ADARB2: variants seen among roughly 807,000 people sequenced by gnomAD.
The protein encoded by ADARB2 is inactive double-stranded RNA-specific editase B2.
ADARB2 carries 25 observed loss-of-function variants against 62.2 expected under a neutral mutation model. That is an observed-to-expected ratio of 0.40 (90% CI 0.29 to 0.56). The LOEUF (loss-of-function observed/expected upper bound fraction) is 0.56, where lower values mean the gene tolerates loss of function less well. ADARB2 is among the 20% of genes least tolerant of loss of function. ADARB2 has a pLI of 0.43. For missense variants in ADARB2, 1,071 were observed against 1,077.4 expected (o/e 0.99, Z 0.08); for synonymous variants, 572 against 500.8 (o/e 1.14, Z -1.90).
Position 1,515,409 on chromosome 10 carries a change from G to A in ADARB2, c.101-136249C>T, listed in dbSNP as rs147856176. ...GGAAACCCTCTGCCTGGCTGCCGCC[G>A]TGACCCAGTAGATCTGAGATCACAA... On this transcript the variant is annotated intron_variant, in intron 1 of 9. Coordinates refer to ENST00000381312, the MANE Select transcript of ADARB2 (RefSeq NM_018702.4). 1.0e-3 allele frequency among the ~76,000 whole-genome samples: 159 copies of A among 152,350 alleles called. 1 individual carries two copies. Among genetic ancestry groups the A allele is most frequent in the Middle Eastern group, 6.8e-3 (2 of 294 alleles).
In ADARB2 at chr10:1,275,570, A is replaced by G. The variant is rs562500988; in HGVS notation, c.1078-4501T>C. On this transcript the variant is annotated intron_variant, in intron 3 of 9. Coordinates refer to ENST00000381312, the MANE Select transcript of ADARB2 (RefSeq NM_018702.4). Reference sequence around the variant, plus strand: ...TGTGCACAATGTGCAGGTTAGTTACATATGTATACATGTGCCATGTTGGTG... The same window carrying G: ...TGTGCACAATGTGCAGGTTAGTTACGTATGTATACATGTGCCATGTTGGTG... Among the ~76,000 whole-genome samples, 74 of 151,838 alleles carry G rather than the reference A, an allele frequency of 4.9e-4. 1 individual carries two copies. Among genetic ancestry groups the G allele is most frequent in the Admixed American group, 2.4e-3 (37 of 15,262 alleles).
chr10:1,648,722 G>A (rs1564357730), intron 1 of ADARB2, among the ~76,000 whole-genome samples: 1 of 152,136 alleles, frequency 6.6e-6, no homozygotes, highest in Non-Finnish European at 1.5e-5. Context: ...GCTGACTAAC[G>A]AAGTCTAGTC....
intron 1 of ADARB2, among the ~76,000 whole-genome samples, chr10:1,609,815 G>A (rs934649615): frequency 1.3e-4 from 20 of 152,340 alleles, no homozygotes; most frequent in East Asian, 9.7e-4. Flanking sequence ...ATGACCACGC[G>A]TAGCGTTAGC....
chr10:1,388,361 T>G (rs1438150430), intron 1 of ADARB2, among the ~76,000 whole-genome samples: 1 of 152,158 alleles, frequency 6.6e-6, no homozygotes, highest in Non-Finnish European at 1.5e-5. Context: ...TATTCAACAT[T>G]GGACAGAGGT....
intron 4 of ADARB2, among the ~76,000 whole-genome samples, chr10:1,248,627 T>C (rs1178544816): frequency 2.0e-5 from 3 of 152,184 alleles, no homozygotes. Flanking sequence ...GCCAACAGCA[T>C]TTACTCCAAT....
At chr10:1,336,530 C>T (rs910563345) in intron 3 of ADARB2, among the ~76,000 whole-genome samples, 3 of 152,038 alleles carry the variant, frequency 2.0e-5, no homozygotes, top group African/African-American at 7.2e-5. Context: ...TTATGATGTA[C>T]GAGTACCACA....
intron 1 of ADARB2, among the ~76,000 whole-genome samples, chr10:1,693,193 G>A (rs1024270138): frequency 2.0e-5 from 3 of 152,192 alleles, no homozygotes; most frequent in Non-Finnish European, 2.9e-5. Context: ...TCCGGGGAGA[G>A]TAAAAGCCTG....
In ADARB2 at chr10:1,737,042, G is replaced by T. The variant is rs753054298; in HGVS notation, c.100+9C>A. The T allele has an allele frequency of 2.5e-6, 4 of 1,609,700 alleles. No individual in the cohort carries two copies. In the African/African-American group the frequency reaches 5.3e-5, roughly 21 times the overall value. On this transcript the variant is annotated intron_variant, in intron 1 of 9. Transcript: ENST00000381312. ...GGGGGCAGGGGCCGGCGCGCCACGC[G>T]GTCCTTACCTTTCCGCTTGGACCTC...
chr10:1,500,651 G>A (rs1199589964), intron 1 of ADARB2, among the ~76,000 whole-genome samples: 1 of 152,178 alleles, frequency 6.6e-6, no homozygotes, highest in African/African-American at 2.4e-5. Flanking sequence ...ATAAAAGAGA[G>A]GTAAAATAGA....
intron 3 of ADARB2, among the ~76,000 whole-genome samples, chr10:1,303,646 C>G (rs1831596531): frequency 6.6e-6 from 1 of 151,908 alleles, no homozygotes; most frequent in Non-Finnish European, 1.5e-5. Flanking sequence ...GGGTTACCCT[C>G]AAAGGGAAGC....
chr10:1,285,784 C>CT (rs1242966124), intron 3 of ADARB2, among the ~76,000 whole-genome samples: 2 of 152,160 alleles, frequency 1.3e-5, no homozygotes, highest in Non-Finnish European at 2.9e-5. Context: ...ATTTCCAACA[C>CT]TAATATTTTG....
At chr10:1,669,665 C>T (rs1834357096) in intron 1 of ADARB2, among the ~76,000 whole-genome samples, 2 of 151,054 alleles carry the variant, frequency 1.3e-5, no homozygotes, top group African/African-American at 4.9e-5. Context: ...CACAGGGAGA[C>T]ACAAACACAC....
intron 1 of ADARB2, among the ~76,000 whole-genome samples, chr10:1,388,941 T>C (rs557204668): frequency 6.6e-6 from 1 of 152,298 alleles, no homozygotes; most frequent in South Asian, 2.1e-4. Flanking sequence ...AGTAATGGCG[T>C]AAGGCTAGAT....
At chr10:1,533,858 G>A (rs969092094) in intron 1 of ADARB2, among the ~76,000 whole-genome samples, 4 of 152,192 alleles carry the variant, frequency 2.6e-5, no homozygotes, top group African/African-American at 9.7e-5. Context: ...ATGGCCCCAA[G>A]GGAGGCTAGT....
At chr10:1,612,167 A>G (rs1051268748) in intron 1 of ADARB2, among the ~76,000 whole-genome samples, 1 of 152,192 alleles carries the variant, frequency 6.6e-6, no homozygotes, top group African/African-American at 2.4e-5. Flanking sequence ...ATCAGCCATT[A>G]AGAGAAATTC....
chr10:1,243,874 C>A (rs545057023), intron 4 of ADARB2, among the ~76,000 whole-genome samples: 3 of 152,174 alleles, frequency 2.0e-5, no homozygotes, highest in Non-Finnish European at 4.4e-5. Flanking sequence ...CTCCATGGTC[C>A]TGGTCCTGTT....
chr10:1,242,899 CAAAGAAACCTCA>C (rs1275727227), intron 4 of ADARB2, among the ~76,000 whole-genome samples: 7 of 152,178 alleles, frequency 4.6e-5, no homozygotes. Context: ...AAACAAACAA[CAAAGAAACCTCA>C]AAAACAACCC....
intron 1 of ADARB2, among the ~76,000 whole-genome samples, chr10:1,457,877 C>CCCAAAATCATCCCTCT (rs1216607449): frequency 3.1e-5 from 1 of 32,154 alleles, no homozygotes; most frequent in African/African-American, 7.9e-5. Flanking sequence ...ATCATCCCTC[C>CCCAAAATCATCCCTCT]ACCCAACCCG....
intron 1 of ADARB2, among the ~76,000 whole-genome samples, chr10:1,518,003 C>A (rs79187688): frequency 0.013 from 1,971 of 152,170 alleles, 49 homozygotes; most frequent in African/African-American, 0.045. Context: ...CCTATCAGTC[C>A]CACATCACTC....
Sources: allele counts gnomAD v4.1 joint callset (sites outside exome capture counted in the v4.1 genomes callset), GRCh38; gene constraint gnomAD v4.1.1; transcripts MANE v1.5; gene names NCBI Gene and HGNC (gene_info 2026-07-23, HGNC 2026-07-21).